The following CRACD variants were observed in gnomAD, a reference collection of about 807,000 sequenced individuals.
CRACD encodes the protein capping protein inhibiting regulator of actin dynamics, also known as capping protein-inhibiting regulator of actin dynamics.
A neutral mutation model predicts 106.8 loss-of-function variants in CRACD; 56 were observed. The ratio of observed to expected loss-of-function variants is 0.52; its 90% CI spans 0.42 to 0.66. The LOEUF (loss-of-function observed/expected upper bound fraction) is 0.66. Among genes scored for constraint, CRACD ranks in the 30% least tolerant of loss-of-function variants. CRACD has a pLI of 0.00. For synonymous variants in CRACD, 754 were observed against 670.8 expected (o/e 1.12, Z -1.92); for missense variants, 1,730 against 1,623.2 (o/e 1.07, Z -1.13).
chr4:56,161,911 A>G (rs112638962), intron 1 of CRACD, among the ~76,000 whole-genome samples: 8,866 of 151,670 alleles, frequency 0.058, 446 homozygotes, highest in African/African-American at 0.12. Context: ...TTACAGGTGC[A>G]TGCCACCATA....
intron 2 of CRACD, among the ~76,000 whole-genome samples, chr4:56,225,508 C>T (rs941833686): frequency 2.0e-5 from 3 of 152,098 alleles, no homozygotes; most frequent in East Asian, 1.9e-4. Context: ...TCCCTGAACC[C>T]GTTTCTTCTT....
intron 1 of CRACD, among the ~76,000 whole-genome samples, chr4:56,141,375 G>T (rs1346726728): frequency 1.3e-5 from 2 of 152,134 alleles, no homozygotes; most frequent in Admixed American, 1.3e-4. Context: ...ATCTAAGAGT[G>T]ATTTGCCTGT....
At chr4:56,103,172 A>C (rs975458512) in intron 1 of CRACD, among the ~76,000 whole-genome samples, 14 of 152,222 alleles carry the variant, frequency 9.2e-5, no homozygotes, top group Admixed American at 8.5e-4. Context: ...ATTTTATGTA[A>C]TTCCTTGGAG....
At chr4:56,179,209 G>A (rs1007225983) in intron 1 of CRACD, 75 bp from the exon 2 acceptor site, 1 of 151,978 alleles carries the variant, frequency 6.6e-6, no homozygotes, top group African/African-American at 2.4e-5. Flanking sequence ...GATTGGAAAA[G>A]AGATTCATTT....
chr4:56,258,123 T>C (rs1741484014), intron 2 of CRACD, among the ~76,000 whole-genome samples: 1 of 151,372 alleles, frequency 6.6e-6, no homozygotes, highest in Admixed American at 6.6e-5. Context: ...TACCATTTAG[T>C]CTATGAGGAG....
chr4:56,069,253 G>A (rs547276940), intron 1 of CRACD, among the ~76,000 whole-genome samples: 45 of 152,270 alleles, frequency 3.0e-4, no homozygotes, highest in African/African-American at 1.0e-3. Flanking sequence ...TGCAGCCCTA[G>A]GACACTAATA....
chr4:56,227,134 C>G (rs896453321), intron 2 of CRACD, among the ~76,000 whole-genome samples: 2 of 152,092 alleles, frequency 1.3e-5, no homozygotes, highest in African/African-American at 4.8e-5. Flanking sequence ...AAACAGGATT[C>G]CAGTAAAAGT....
intron 1 of CRACD, among the ~76,000 whole-genome samples, chr4:56,086,227 G>T (rs1369896250): frequency 1.3e-5 from 2 of 152,140 alleles, no homozygotes; most frequent in African/African-American, 4.8e-5. Flanking sequence ...AATTGCAGGG[G>T]GTCGGGGAGT....
At chr4:56,216,950 G>T in intron 2 of CRACD, among the ~76,000 whole-genome samples, 1 of 137,904 alleles carries the variant, frequency 7.3e-6, no homozygotes, top group Non-Finnish European at 1.5e-5. Context: ...ACTGCAGTCC[G>T]CAGTCCGGCC....
At chr4:56,173,530 T>C (rs1386251467) in intron 1 of CRACD, among the ~76,000 whole-genome samples, 1 of 152,328 alleles carries the variant, frequency 6.6e-6, no homozygotes, top group East Asian at 1.9e-4. Flanking sequence ...ATATTAAATA[T>C]GTTTAGAGCT....
chr4:56,090,943 A>G (rs75421699), intron 1 of CRACD, among the ~76,000 whole-genome samples: 1,972 of 152,304 alleles, frequency 0.013, 21 homozygotes, highest in East Asian at 0.065. Context: ...TCTGAGATCC[A>G]ACTGGGTTCC....
At chr4:56,227,728 G>A (rs945819700) in intron 2 of CRACD, among the ~76,000 whole-genome samples, 2 of 152,218 alleles carry the variant, frequency 1.3e-5, no homozygotes, top group African/African-American at 4.8e-5. Flanking sequence ...ACAAATATGG[G>A]CCACACTTTG....
intron 1 of CRACD, among the ~76,000 whole-genome samples, chr4:56,121,729 G>A (rs558645950): frequency 6.6e-6 from 1 of 152,290 alleles, no homozygotes; most frequent in East Asian, 1.9e-4. Flanking sequence ...AGATTAAAAT[G>A]AATCAATGTA....
chr4:56,146,983 G>T (rs370816504), intron 1 of CRACD, among the ~76,000 whole-genome samples: 2 of 152,132 alleles, frequency 1.3e-5, no homozygotes, highest in Non-Finnish European at 2.9e-5. Context: ...GAAAAGGTGT[G>T]GGAAATATGC....
Position 56,050,500 on chromosome 4 carries a change from C to A in CRACD, c.-336+1201C>A, listed in dbSNP as rs148531300. Among the ~76,000 whole-genome samples the A allele has an allele frequency of 9.0e-3, 1,368 of 152,180 alleles. 8 individuals carry two copies. Among genetic ancestry groups the A allele is most frequent in the Non-Finnish European group, 0.013 (880 of 67,994 alleles). On this transcript the variant is annotated intron_variant, in intron 1 of 10. Coordinates refer to ENST00000682029, the MANE Select transcript of CRACD (RefSeq NM_001393381.1). ...TTGTGGAATTATATAAAAAATGGCT[C>A]ACAGTTCTTTGGCATTGTTTGTGAC...
At chr4:56,136,198 G>A (rs561402077) in intron 1 of CRACD, among the ~76,000 whole-genome samples, 1 of 152,210 alleles carries the variant, frequency 6.6e-6, no homozygotes, top group African/African-American at 2.4e-5. Flanking sequence ...CTGTTTTGCT[G>A]TTAAAATAAA....
chr4:56,234,892 A>C (rs1224220883), intron 2 of CRACD, among the ~76,000 whole-genome samples: 1 of 152,194 alleles, frequency 6.6e-6, no homozygotes, highest in African/African-American at 2.4e-5. Context: ...AGAAATTAGT[A>C]TAGTGGTGCT....
chr4:56,142,867 TGTATTTCCTAACATGC>T (rs1735253956), intron 1 of CRACD, among the ~76,000 whole-genome samples: 1 of 152,132 alleles, frequency 6.6e-6, no homozygotes, highest in Non-Finnish European at 1.5e-5. Context: ...GATCTATTTG[TGTATTTCCTAACATGC>T]CTCTATGATT....
rs1560471400 is a variant in CRACD at position 56,172,963 on chromosome 4, T to G, written c.-335-6321T>G. On this transcript the variant is annotated intron_variant, in intron 1 of 10. Coordinates refer to ENST00000682029, the MANE Select transcript of CRACD (RefSeq NM_001393381.1). ...TAGAGACGAGGTTTCTCCATGTTGGTCAGGCTGGTCTCGAACTCTCAACCT... is the reference window on the plus strand; with the variant it reads ...TAGAGACGAGGTTTCTCCATGTTGGGCAGGCTGGTCTCGAACTCTCAACCT... Among the ~76,000 whole-genome samples, 2 of 151,940 alleles carry G rather than the reference T, an allele frequency of 1.3e-5. 1 individual carries two copies. Among genetic ancestry groups the G allele is most frequent in the East Asian group, 3.9e-4 (2 of 5,170 alleles).
Sources: allele counts gnomAD v4.1 joint callset (sites outside exome capture counted in the v4.1 genomes callset), GRCh38; gene constraint gnomAD v4.1.1; transcripts MANE v1.5; gene names NCBI Gene and HGNC (gene_info 2026-07-23, HGNC 2026-07-21).